Variants in TCF7L2 observed in about 807,000 individuals in gnomAD.
The protein encoded by TCF7L2 is transcription factor 7 like 2, also known as transcription factor 7-like 2.
TCF7L2 carries 23 observed loss-of-function variants against 77.9 expected under a neutral mutation model. The observed-to-expected ratio is 0.30, with a 90% CI of 0.21 to 0.42. The LOEUF is 0.42. Ranked by LOEUF, TCF7L2 falls within the 10% of genes least tolerant of loss-of-function variation. TCF7L2 has a pLI of 1.00. For synonymous variants in TCF7L2, 413 were observed against 340.2 expected (o/e 1.21, Z -2.36); for missense variants, 654 against 793.1 (o/e 0.82, Z 2.11).
At chr10:113,142,408 C>G (rs997313016) in intron 6 of TCF7L2, among the ~76,000 whole-genome samples, 1 of 152,188 alleles carries the variant, frequency 6.6e-6, no homozygotes, top group African/African-American at 2.4e-5. Context: ...GCAGGCAGCC[C>G]CAGCAGCCTG....
chr10:113,125,494 C>T (rs955019601), intron 5 of TCF7L2: 1 of 151,698 alleles, frequency 6.6e-6, no homozygotes, highest in Non-Finnish European at 1.5e-5. Flanking sequence ...TTTTTCCCCC[C>T]GAATTGTTTA....
chr10:112,960,574 G>T (rs1330712208), intron 3 of TCF7L2, among the ~76,000 whole-genome samples: 3 of 152,154 alleles, frequency 2.0e-5, no homozygotes, highest in African/African-American at 7.2e-5. Flanking sequence ...AAGGTGTGAG[G>T]CACAGCCAGG....
rs987701709 is a variant in TCF7L2 at position 113,102,952 on chromosome 10, G to A, written c.553-38232G>A. On this transcript the variant is annotated intron_variant, in intron 5 of 13. Coordinates refer to ENST00000627217, the MANE Select transcript of TCF7L2 (RefSeq NM_001146274.2). The stretch of plus-strand genomic sequence containing the variant: ...AAGTTTATGTATAAATAAGCTAGTC[G>A]CTAACATGTACTCAGCACTTACTGT... 3.9e-5 allele frequency among the ~76,000 whole-genome samples: 6 copies of A among 152,252 alleles called. No homozygotes were observed. In the South Asian group the frequency reaches 1.0e-3, roughly 26 times the overall value.
chr10:112,967,387 C>T (rs567280360), intron 4 of TCF7L2, among the ~76,000 whole-genome samples: 3 of 152,266 alleles, frequency 2.0e-5, no homozygotes, highest in African/African-American at 7.2e-5. Context: ...TACTCTTTTC[C>T]CTTCCCATCC....
At chr10:112,995,089 G>A (rs565855914) in intron 4 of TCF7L2, among the ~76,000 whole-genome samples, 224 of 152,254 alleles carry the variant, frequency 1.5e-3, no homozygotes, top group Non-Finnish European at 2.2e-3. Flanking sequence ...CAACAAGAGC[G>A]AAACTGTGTC....
chr10:113,047,175 AT>A (rs1172659498), intron 5 of TCF7L2, among the ~76,000 whole-genome samples: 1 of 151,858 alleles, frequency 6.6e-6, no homozygotes, highest in Non-Finnish European at 1.5e-5. Context: ...CCCTTTTATT[AT>A]TTTCTTGGGA....
At chr10:113,147,358 A>G (rs1168383718) in intron 8 of TCF7L2, among the ~76,000 whole-genome samples, 1 of 152,240 alleles carries the variant, frequency 6.6e-6, no homozygotes, top group African/African-American at 2.4e-5. Flanking sequence ...CAGTAACTTT[A>G]GCAGTGATAG....
chr10:113,020,134 T>A (rs2048046174), intron 4 of TCF7L2, among the ~76,000 whole-genome samples: 1 of 152,188 alleles, frequency 6.6e-6, no homozygotes, highest in African/African-American at 2.4e-5. Context: ...AATTAATGAA[T>A]CTTCTGGGCC....
chr10:112,967,850 G>A (rs926607073), intron 4 of TCF7L2, among the ~76,000 whole-genome samples: 3 of 151,992 alleles, frequency 2.0e-5, no homozygotes, highest in Non-Finnish European at 2.9e-5. Context: ...GGTCAGGCTG[G>A]TCTCGAACTC....
At chr10:112,961,805 G>A (rs527547166) in intron 3 of TCF7L2, among the ~76,000 whole-genome samples, 3 of 150,604 alleles carry the variant, frequency 2.0e-5, no homozygotes, top group East Asian at 2.0e-4. Context: ...GTGTCGCTGG[G>A]CACGTGAGGG....
chr10:113,092,866 TG>T (rs940995225), intron 5 of TCF7L2, among the ~76,000 whole-genome samples: 2 of 151,790 alleles, frequency 1.3e-5, no homozygotes, highest in Non-Finnish European at 2.9e-5. Context: ...CTCCCTCGGC[TG>T]GGGGGGTTGG....
At position 113,167,432 on chromosome 10, in the gene TCF7L2, A is replaced by G. The variant is rs1358280582; in HGVS notation, c.*1460A>G. ...TTCATTCAGTGCCATTGTAGTTGACATGAAGCGATTGTAAAACTGTCTCCG... is the reference window on the plus strand; with the variant it reads ...TTCATTCAGTGCCATTGTAGTTGACGTGAAGCGATTGTAAAACTGTCTCCG... On this transcript the variant is annotated 3_prime_UTR_variant, in exon 14 of 14. Transcript: ENST00000627217. 8.9e-6 allele frequency: 2 copies of G among 224,912 alleles called. No homozygotes were observed. Among genetic ancestry groups the G allele is most frequent in the African/African-American group, 4.5e-5 (2 of 44,860 alleles). 13.9% of individuals were successfully genotyped at this position (224,912 alleles called of 1,614,324 possible).
chr10:112,958,619 C>T (rs1034352354), intron 3 of TCF7L2, among the ~76,000 whole-genome samples: 4 of 151,700 alleles, frequency 2.6e-5, no homozygotes, highest in East Asian at 3.9e-4. Context: ...GAAAGAGTGA[C>T]GCTATAAATA....
chr10:113,115,844 C>T lies in TCF7L2; in HGVS notation c.553-25340C>T, dbSNP rs576408382. Reference sequence around the variant, plus strand: ...GTGAATGTGTGTGCGTGTGTCTCTGCTTGCCTCCTCTAATTCCTTAGCACC... The same window carrying T: ...GTGAATGTGTGTGCGTGTGTCTCTGTTTGCCTCCTCTAATTCCTTAGCACC... On this transcript the variant is annotated intron_variant, in intron 5 of 13. Coordinates refer to ENST00000627217, the MANE Select transcript of TCF7L2 (RefSeq NM_001146274.2). Among the ~76,000 whole-genome samples the T allele has an allele frequency of 1.2e-4, 19 of 152,134 alleles. 1 individual carries two copies. In the South Asian group the frequency reaches 2.9e-3, roughly 23 times the overall value.
chr10:112,973,988 G>A (rs1159028661), intron 4 of TCF7L2, among the ~76,000 whole-genome samples: 3 of 152,158 alleles, frequency 2.0e-5, no homozygotes, highest in African/African-American at 7.2e-5. Context: ...AGGTGAATGG[G>A]TTGGTCCCAG....
At chr10:113,146,301 T>C (rs1240804306) in intron 8 of TCF7L2, among the ~76,000 whole-genome samples, 3 of 152,186 alleles carry the variant, frequency 2.0e-5, no homozygotes, top group Non-Finnish European at 4.4e-5. Flanking sequence ...CTGGGTAAAA[T>C]TTTTGAGTCA....
chr10:113,111,459 A>G lies in TCF7L2; in HGVS notation c.553-29725A>G, dbSNP rs186708631. Reference sequence around the variant, plus strand: ...GGAAGAGTCTACTGTGTTTATGGAAACAGCAGCAATAATTCCTCCTCCTCA... The same window carrying G: ...GGAAGAGTCTACTGTGTTTATGGAAGCAGCAGCAATAATTCCTCCTCCTCA... On this transcript the variant is annotated intron_variant, in intron 5 of 13. Coordinates refer to ENST00000627217, the MANE Select transcript of TCF7L2 (RefSeq NM_001146274.2). Among the ~76,000 whole-genome samples the G allele has an allele frequency of 8.9e-4, 136 of 152,294 alleles. 1 individual carries two copies. The highest frequency in any genetic ancestry group is 3.1e-3 in the African/African-American group (129 of 41,566).
intron 4 of TCF7L2, among the ~76,000 whole-genome samples, chr10:113,036,054 G>A (rs1373064165): frequency 1.3e-5 from 2 of 152,062 alleles, no homozygotes; most frequent in Non-Finnish European, 2.9e-5. Flanking sequence ...AAGCCACTTG[G>A]TGTTTTATCA....
At chr10:113,107,431 G>GTACA (rs1261844133) in intron 5 of TCF7L2, among the ~76,000 whole-genome samples, 1 of 152,030 alleles carries the variant, frequency 6.6e-6, no homozygotes, top group East Asian at 1.9e-4. Context: ...AAGCCTTGAT[G>GTACA]TACACATTTG....
Sources: gnomAD v4.1 joint callset for allele counts (sites outside exome capture counted in the v4.1 genomes callset) on GRCh38, gnomAD v4.1.1 for gene constraint, MANE v1.5 for transcripts, NCBI Gene and HGNC (gene_info 2026-07-23, HGNC 2026-07-21) for gene names.